PDCD1LG2: variants seen among roughly 807,000 people sequenced by gnomAD.
PDCD1LG2 encodes B7 dendritic cell molecule.
In PDCD1LG2, 32 loss-of-function variants were observed where a neutral mutation model predicts 28.2. The ratio of observed to expected loss-of-function variants is 1.13; its 90% confidence interval spans 0.86 to 1.52. The LOEUF is 1.52. Among genes scored for constraint, PDCD1LG2 ranks in the 40% most tolerant of loss-of-function variants. PDCD1LG2 has a pLI of 0.00. For missense variants in PDCD1LG2, 385 were observed against 323.8 expected, an observed-to-expected ratio of 1.19 and a Z score of -1.45; for synonymous variants, 116 against 120.2, an observed-to-expected ratio of 0.97 and a Z score of 0.23.
chr9:5,537,385 C>T (rs970313154), intron 3 of PDCD1LG2, among the ~76,000 whole-genome samples: 1 of 152,158 alleles, frequency 6.6e-6, no homozygotes, highest in African/African-American at 2.4e-5. Context: ...TTAAGGGACA[C>T]ATTCCCAATA....
At chr9:5,546,446 G>A (rs1483721375) in intron 3 of PDCD1LG2, among the ~76,000 whole-genome samples, 1 of 152,066 alleles carries the variant, frequency 6.6e-6, no homozygotes. Flanking sequence ...CAAAATGAGA[G>A]ATAAAGTGAG....
rs113822135 is a variant in PDCD1LG2 at position 5,527,837 on chromosome 9, C to CT, written c.55+5245dup. On this transcript the variant is annotated intron_variant, in intron 2 of 6. Transcript: ENST00000397747. ...GCACTGGTATTCTTTTCTATTTTTT[C>CT]TTTTTTTTTGAGACAGAGTTTCGCT... 4.7e-3 allele frequency among the ~76,000 whole-genome samples: 708 copies of CT among 150,748 alleles called. 11 individuals are homozygous for CT. The highest frequency in any genetic ancestry group is 0.015 in the African/African-American group (630 of 41,100).
intron 2 of PDCD1LG2, among the ~76,000 whole-genome samples, chr9:5,533,557 G>T (rs1358710202): frequency 6.6e-6 from 1 of 152,180 alleles, no homozygotes; most frequent in African/African-American, 2.4e-5. Context: ...AGTGTTAGAG[G>T]TGTGGAAGTC....
intron 5 of PDCD1LG2, 90 bp downstream of exon 5, chr9:5,557,842 T>C: frequency 6.7e-7 from 1 of 1,498,700 alleles, no homozygotes; most frequent in Admixed American, 1.8e-5. Flanking sequence ...GCTTGCTGCT[T>C]TCATGCTAAA....
intron 3 of PDCD1LG2, among the ~76,000 whole-genome samples, chr9:5,546,237 A>G (rs536611007): frequency 6.6e-6 from 1 of 152,246 alleles, no homozygotes; most frequent in South Asian, 2.1e-4. Flanking sequence ...CTTCTCAACC[A>G]GGACACCAAG....
intron 5 of PDCD1LG2, among the ~76,000 whole-genome samples, chr9:5,558,816 A>C (rs1816498622): frequency 6.6e-6 from 1 of 152,236 alleles, no homozygotes; most frequent in Middle Eastern, 3.2e-3. Flanking sequence ...GAAGATGGCC[A>C]GGGGAGTGAG....
chr9:5,537,240 C>T (rs1295397407), intron 3 of PDCD1LG2, among the ~76,000 whole-genome samples: 1 of 152,050 alleles, frequency 6.6e-6, no homozygotes, highest in Admixed American at 6.6e-5. Context: ...GATTCCTTAG[C>T]CTTTATAAGC....
chr9:5,548,839 A>T (rs1212274905), intron 3 of PDCD1LG2, among the ~76,000 whole-genome samples: 1 of 152,188 alleles, frequency 6.6e-6, no homozygotes, highest in Non-Finnish European at 1.5e-5. Flanking sequence ...TAAAAAGTAA[A>T]TTTTTGCCTG....
chr9:5,557,104 G>A (rs543493347), intron 4 of PDCD1LG2, among the ~76,000 whole-genome samples: 1 of 152,076 alleles, frequency 6.6e-6, no homozygotes, highest in African/African-American at 2.4e-5. Context: ...AACAACTAAT[G>A]GTATAGATTC....
chr9:5,511,840 GC>G (rs1383397174), intron 1 of PDCD1LG2, among the ~76,000 whole-genome samples: 6 of 152,164 alleles, frequency 3.9e-5, no homozygotes. Flanking sequence ...CTGTTGGTGA[GC>G]TTTTCCATTG....
At chr9:5,565,329 A>G (rs899791146) in intron 6 of PDCD1LG2, among the ~76,000 whole-genome samples, 1 of 152,074 alleles carries the variant, frequency 6.6e-6, no homozygotes, top group Non-Finnish European at 1.5e-5. Context: ...CTACAGGTGC[A>G]TGCCACCGTA....
At chr9:5,535,665 AG>A (rs879647389) in intron 3 of PDCD1LG2, among the ~76,000 whole-genome samples, 48 of 152,156 alleles carry the variant, frequency 3.2e-4, no homozygotes, top group Non-Finnish European at 5.6e-4. Flanking sequence ...GATCATAAAA[AG>A]TTACAAGTTT....
At chr9:5,566,085 T>C (rs1816660265) in intron 6 of PDCD1LG2, among the ~76,000 whole-genome samples, 1 of 151,566 alleles carries the variant, frequency 6.6e-6, no homozygotes. Flanking sequence ...AAACCATCCA[T>C]TATGAGGAGA....
intron 1 of PDCD1LG2, among the ~76,000 whole-genome samples, chr9:5,521,383 C>T (rs1260259718): frequency 1.3e-5 from 2 of 152,178 alleles, no homozygotes; most frequent in Non-Finnish European, 2.9e-5. Flanking sequence ...TATATACACA[C>T]TTAGACACAT....
Position 5,570,128 on chromosome 9 carries a change from C to A in PDCD1LG2, c.*169C>A. On this transcript the variant is annotated 3_prime_UTR_variant, in exon 7 of 7. Coordinates refer to ENST00000397747, the MANE Select transcript of PDCD1LG2 (RefSeq NM_025239.4). Reference sequence around the variant, plus strand: ...TGCAACAAGACTAGCCAACACCTGGCCATGAAACTTGCCCCTTCACTGATC... The same window carrying A: ...TGCAACAAGACTAGCCAACACCTGGACATGAAACTTGCCCCTTCACTGATC... 1 of 836,146 alleles carries A rather than the reference C, an allele frequency of 1.2e-6. No homozygotes were observed. Among genetic ancestry groups the A allele is most frequent in the Non-Finnish European group, 2.0e-6 (1 of 501,330 alleles). The allele number at this position is 836,146 out of a possible 1,614,324, so 51.8% of individuals were successfully genotyped here. A position where few individuals can be genotyped will look rare whatever the true frequency, so the allele number is the denominator to read the frequency against.
chr9:5,549,684 A>G, intron 4 of PDCD1LG2, 80 bp downstream of exon 4: 1 of 1,531,220 alleles, frequency 6.5e-7, no homozygotes, highest in Admixed American at 1.8e-5. Context: ...TGATTTGAGG[A>G]GAGTGTAATA....
intron 5 of PDCD1LG2, among the ~76,000 whole-genome samples, chr9:5,559,188 T>C (rs1402677730): frequency 6.6e-6 from 1 of 152,008 alleles, no homozygotes; most frequent in African/African-American, 2.4e-5. Flanking sequence ...ATCTTAAGAG[T>C]GAGTGAGGAT....
intron 3 of PDCD1LG2, among the ~76,000 whole-genome samples, chr9:5,543,869 G>A (rs1453783814): frequency 6.6e-6 from 1 of 151,548 alleles, no homozygotes; most frequent in Non-Finnish European, 1.5e-5. Flanking sequence ...GAATTTCAAT[G>A]GGGTGGGGGG....
chr9:5,520,534 A>G lies in PDCD1LG2; in HGVS notation c.-14-1999A>G, dbSNP rs181926617. Among the ~76,000 whole-genome samples the G allele has an allele frequency of 2.6e-5, 4 of 152,306 alleles. No homozygotes were observed. In the East Asian group the frequency reaches 7.7e-4, roughly 29 times the overall value. On this transcript the variant is annotated intron_variant, in intron 1 of 6. Coordinates refer to ENST00000397747, the MANE Select transcript of PDCD1LG2 (RefSeq NM_025239.4). ...TTGTCCCTGTACAATTGCTCCATTT[A>G]TATTTATCTTAGCAGAAAATACAGA...
Sources: gnomAD v4.1 joint callset for allele counts (sites outside exome capture counted in the v4.1 genomes callset) on GRCh38, gnomAD v4.1.1 for gene constraint, MANE v1.5 for transcripts, NCBI Gene and HGNC (gene_info 2026-07-23, HGNC 2026-07-21) for gene names.